ACER3: variants seen among roughly 807,000 people sequenced by gnomAD.
ACER3 encodes alkaline ceramidase 3.
In ACER3, 16 loss-of-function variants were observed where a neutral mutation model predicts 48.9. The observed-to-expected ratio is 0.33, with a 90% CI of 0.22 to 0.50. The LOEUF (loss-of-function observed/expected upper bound fraction) is 0.50, where lower values mean the gene tolerates loss of function less well. Ranked by LOEUF, ACER3 falls within the 20% of genes least tolerant of loss-of-function variation. The pLI is 0.98. For missense variants in ACER3, 227 were observed against 326.0 expected, an observed-to-expected ratio of 0.70 and a Z score of 2.34; for synonymous variants, 109 against 107.8, an observed-to-expected ratio of 1.01 and a Z score of -0.07.
chr11:76,894,162 C>T (rs1209745705), intron 1 of ACER3, among the ~76,000 whole-genome samples: 3 of 152,084 alleles, frequency 2.0e-5, no homozygotes, highest in Non-Finnish European at 4.4e-5. Flanking sequence ...TCCTTTAGTC[C>T]CAGCTACTCA....
chr11:77,008,873 A>C (rs1440300291), intron 7 of ACER3, among the ~76,000 whole-genome samples: 1 of 152,136 alleles, frequency 6.6e-6, no homozygotes, highest in African/African-American at 2.4e-5. Context: ...CTGGGCAATA[A>C]TAGGGAGACC....
chr11:76,978,300 C>T (rs570232538), intron 4 of ACER3: 2 of 152,386 alleles, frequency 1.3e-5, no homozygotes, highest in South Asian at 4.1e-4. Flanking sequence ...TCCAAGCCCT[C>T]CCATGGCTGC....
At chr11:76,958,901 A>G in intron 2 of ACER3, 78 bp from the exon 3 acceptor site, 1 of 1,480,416 alleles carries the variant, frequency 6.8e-7, no homozygotes, top group Non-Finnish European at 9.4e-7. Flanking sequence ...ATGCTTTGAA[A>G]TGTCTTATTG....
chr11:76,934,876 A>C (rs1947132902), intron 2 of ACER3, among the ~76,000 whole-genome samples: 1 of 152,216 alleles, frequency 6.6e-6, no homozygotes, highest in African/African-American at 2.4e-5. Context: ...AATTAGGGTA[A>C]AAACAGAAAA....
chr11:77,019,283 AC>A (rs1949429469), intron 9 of ACER3, among the ~76,000 whole-genome samples: 1 of 152,020 alleles, frequency 6.6e-6, no homozygotes, highest in Admixed American at 6.6e-5. Context: ...ACATGGTGAA[AC>A]CCCGTCTCTA....
intron 5 of ACER3, among the ~76,000 whole-genome samples, chr11:76,987,960 G>A (rs753937236): frequency 9.9e-5 from 15 of 152,092 alleles, no homozygotes; most frequent in Non-Finnish European, 1.6e-4. Flanking sequence ...AAGACTAAAA[G>A]TACAACCTAA....
At chr11:76,971,410 C>A (rs986451775) in intron 3 of ACER3, among the ~76,000 whole-genome samples, 1 of 151,868 alleles carries the variant, frequency 6.6e-6, no homozygotes, top group Non-Finnish European at 1.5e-5. Context: ...TGTGGTGGCA[C>A]GCGCCCACAG....
intron 1 of ACER3, among the ~76,000 whole-genome samples, chr11:76,861,731 T>C (rs1425910111): frequency 6.6e-6 from 1 of 152,172 alleles, no homozygotes; most frequent in Non-Finnish European, 1.5e-5. Context: ...GAAGGCATCT[T>C]GCACCTAGCC....
At chr11:76,931,099 TAA>T (rs1946988726) in intron 2 of ACER3, among the ~76,000 whole-genome samples, 1 of 141,130 alleles carries the variant, frequency 7.1e-6, no homozygotes, top group South Asian at 2.4e-4. Flanking sequence ...TGTGGGAGTC[TAA>T]GTCTCTTTGT....
At chr11:76,921,331 C>T (rs1030807578) in intron 1 of ACER3, among the ~76,000 whole-genome samples, 2 of 152,124 alleles carry the variant, frequency 1.3e-5, no homozygotes, top group African/African-American at 2.4e-5. Flanking sequence ...AATTGTTTAT[C>T]GAATTGGGCA....
At chr11:76,933,282 T>A (rs1490218201) in intron 2 of ACER3, among the ~76,000 whole-genome samples, 2 of 150,040 alleles carry the variant, frequency 1.3e-5, no homozygotes, top group African/African-American at 2.4e-5. Context: ...TTTTATTTTT[T>A]TTATTTTTTT....
chr11:76,883,902 T>C (rs1945605040), intron 1 of ACER3, among the ~76,000 whole-genome samples: 1 of 152,214 alleles, frequency 6.6e-6, no homozygotes, highest in African/African-American at 2.4e-5. Context: ...CCTTTCAAGG[T>C]TTGTTTTAAA....
chr11:76,886,910 T>G (rs1040629477), intron 1 of ACER3, among the ~76,000 whole-genome samples: 1 of 152,176 alleles, frequency 6.6e-6, no homozygotes, highest in African/African-American at 2.4e-5. Context: ...ACTCCTGAAC[T>G]CAAGCAATCC....
At chr11:76,887,621 A>G (rs976246874) in intron 1 of ACER3, among the ~76,000 whole-genome samples, 2 of 152,116 alleles carry the variant, frequency 1.3e-5, no homozygotes, top group African/African-American at 4.8e-5. Flanking sequence ...CAAATGAGGA[A>G]ATTAATACAA....
intron 1 of ACER3, among the ~76,000 whole-genome samples, chr11:76,888,522 G>T (rs185979621): frequency 1.3e-5 from 2 of 152,270 alleles, no homozygotes; most frequent in Non-Finnish European, 2.9e-5. Context: ...TGTTAGCTGG[G>T]TCTCATCTGA....
At chr11:76,863,882 C>G (rs533241288) in intron 1 of ACER3, among the ~76,000 whole-genome samples, 17 of 152,272 alleles carry the variant, frequency 1.1e-4, no homozygotes, top group Non-Finnish European at 2.1e-4. Context: ...ACATTGAAGT[C>G]TGACTCTAAA....
chr11:76,885,071 A>T lies in ACER3; in HGVS notation c.103+23992A>T, dbSNP rs184787343. On this transcript the variant is annotated intron_variant, in intron 1 of 10. Transcript: ENST00000532485. Reference sequence around the variant, plus strand: ...GGTGTGAGCCACAAAGCCCAGCCAGATCCTTCTTTTTCTAATGCTTTTTGT... The same window carrying T: ...GGTGTGAGCCACAAAGCCCAGCCAGTTCCTTCTTTTTCTAATGCTTTTTGT... Among the ~76,000 whole-genome samples, 11 of 152,234 alleles carry T rather than the reference A, an allele frequency of 7.2e-5. No individual in the cohort carries two copies. In the South Asian group the frequency reaches 2.1e-3, roughly 29 times the overall value.
intron 3 of ACER3, chr11:76,959,304 G>C: frequency 9.2e-7 from 1 of 1,089,974 alleles, no homozygotes; most frequent in Non-Finnish European, 1.2e-6. Context: ...AGTCACATGG[G>C]GACATCTTAA....
chr11:76,909,206 G>C (rs1326829004), intron 1 of ACER3, among the ~76,000 whole-genome samples: 1 of 152,122 alleles, frequency 6.6e-6, no homozygotes, highest in Non-Finnish European at 1.5e-5. Flanking sequence ...CAGAACATAG[G>C]TATGGGCAAA....
Sources: allele counts gnomAD v4.1 joint callset (sites outside exome capture counted in the v4.1 genomes callset), GRCh38; gene constraint gnomAD v4.1.1; transcripts MANE v1.5; gene names NCBI Gene and HGNC (gene_info 2026-07-23, HGNC 2026-07-21).